Variants in VPS41 observed in about 807,000 individuals in gnomAD.
VPS41 encodes VPS41 subunit of HOPS complex, also known as vacuolar protein sorting-associated protein 41 homolog.
VPS41 carries 85 observed loss-of-function variants against 130.9 expected under a neutral mutation model. The observed-to-expected ratio is 0.65, with a 90% CI of 0.55 to 0.78. The LOEUF is 0.78. Among genes scored for constraint, VPS41 ranks in the 30% least tolerant of loss-of-function variants. VPS41 has a pLI of 0.00. For synonymous variants in VPS41, 335 were observed against 332.9 expected (o/e 1.01, Z -0.07); for missense variants, 874 against 1,018.7 (o/e 0.86, Z 1.93).
intron 2 of VPS41, among the ~76,000 whole-genome samples, chr7:38,889,836 A>T (rs1172139666): frequency 6.6e-6 from 1 of 152,216 alleles, no homozygotes; most frequent in Non-Finnish European, 1.5e-5. Context: ...ATGACATTTG[A>T]TAGTTGAAGC....
intron 14 of VPS41, among the ~76,000 whole-genome samples, chr7:38,768,470 G>T (rs990347579): frequency 6.6e-6 from 1 of 151,998 alleles, no homozygotes; most frequent in Non-Finnish European, 1.5e-5. Context: ...CATGCTAAGA[G>T]AAAAATAATC....
At chr7:38,792,373 C>G (rs1784550792) in intron 9 of VPS41, among the ~76,000 whole-genome samples, 1 of 152,218 alleles carries the variant, frequency 6.6e-6, no homozygotes, top group African/African-American at 2.4e-5. Flanking sequence ...GTAGACACAC[C>G]TAAAACCAAC....
chr7:38,887,023 G>A (rs1786747176), intron 2 of VPS41, among the ~76,000 whole-genome samples: 2 of 152,136 alleles, frequency 1.3e-5, no homozygotes, highest in African/African-American at 4.8e-5. Context: ...CCATACATAG[G>A]TCACCAACAT....
intron 22 of VPS41, 124 bp from the exon 23 acceptor site, chr7:38,745,737 A>T: frequency 1.3e-6 from 1 of 769,344 alleles, no homozygotes. Flanking sequence ...AAAACAAAGC[A>T]AACAAATAAA....
At chr7:38,773,793 T>C (rs976353) in intron 12 of VPS41, among the ~76,000 whole-genome samples, 98,009 of 152,024 alleles carry the variant, frequency 0.64, 32,970 homozygotes, top group East Asian at 0.88. Flanking sequence ...ATGACAACCA[T>C]GGAGCCATGC....
chr7:38,756,116 A>G (rs1783787216), intron 19 of VPS41, among the ~76,000 whole-genome samples: 1 of 152,120 alleles, frequency 6.6e-6, no homozygotes, highest in Admixed American at 6.6e-5. Flanking sequence ...TTAGGGTTCT[A>G]CTTTTAGGTT....
intron 25 of VPS41, among the ~76,000 whole-genome samples, chr7:38,735,584 T>C (rs544324871): frequency 3.5e-4 from 53 of 152,218 alleles, no homozygotes; most frequent in Non-Finnish European, 5.4e-4. Flanking sequence ...TGTTAAGGCA[T>C]TTTACTTCTC....
intron 2 of VPS41, among the ~76,000 whole-genome samples, chr7:38,872,940 A>G (rs1318897111): frequency 6.6e-6 from 1 of 152,228 alleles, no homozygotes; most frequent in East Asian, 1.9e-4. Flanking sequence ...AAGATGCCAC[A>G]TGTTGCTCAA....
chr7:38,882,253 G>A (rs1243246948), intron 2 of VPS41, among the ~76,000 whole-genome samples: 1 of 152,074 alleles, frequency 6.6e-6, no homozygotes, highest in African/African-American at 2.4e-5. Context: ...ACACAATGAT[G>A]GTGTCCTTCA....
At chr7:38,879,903 AAAG>A (rs1002682883) in intron 2 of VPS41, among the ~76,000 whole-genome samples, 22 of 151,288 alleles carry the variant, frequency 1.5e-4, no homozygotes, top group African/African-American at 3.9e-4. Flanking sequence ...AAAAAAAAAA[AAAG>A]AAAGAAAGAA....
At chr7:38,753,574 T>C (rs753066044) in intron 21 of VPS41, among the ~76,000 whole-genome samples, 1 of 152,132 alleles carries the variant, frequency 6.6e-6, no homozygotes, top group Non-Finnish European at 1.5e-5. Flanking sequence ...AAACAAGACA[T>C]TGCCTGGCAG....
intron 6 of VPS41, among the ~76,000 whole-genome samples, chr7:38,820,976 C>A (rs1350973904): frequency 1.3e-5 from 2 of 151,822 alleles, no homozygotes; most frequent in Admixed American, 6.6e-5. Flanking sequence ...TGTGAGTGAT[C>A]TCACTCACTA....
chr7:38,866,203 G>A (rs1011713265), intron 3 of VPS41, among the ~76,000 whole-genome samples: 1 of 152,166 alleles, frequency 6.6e-6, no homozygotes, highest in Admixed American at 6.5e-5. Flanking sequence ...ATAATAGACA[G>A]GGAGCAAGAT....
chr7:38,843,776 A>G (rs556408594), intron 4 of VPS41, among the ~76,000 whole-genome samples: 7 of 152,324 alleles, frequency 4.6e-5, no homozygotes, highest in Admixed American at 3.9e-4. Context: ...GTTTCTACAG[A>G]TAAGAAAATA....
intron 25 of VPS41, among the ~76,000 whole-genome samples, chr7:38,737,750 G>A (rs1056396837): frequency 1.1e-4 from 17 of 152,144 alleles, no homozygotes; most frequent in Non-Finnish European, 2.4e-4. Flanking sequence ...ACTCCTGAGT[G>A]TTGTGTCCAT....
rs1273739630 is a variant in VPS41 at position 38,725,576 on chromosome 7, T to G, written c.*670A>C. On this transcript the variant is annotated 3_prime_UTR_variant, in exon 29 of 29. Transcript: ENST00000310301. ...TCACAATGAGAAGAGCTAACATTTA[T>G]TCAATCAACAAATGCTGAGTGTCCG... is the stretch of plus-strand genomic sequence containing the variant. 1 of 152,270 alleles carries G rather than the reference T, an allele frequency of 6.6e-6. No individual in the cohort carries two copies. The highest frequency in any genetic ancestry group is 2.4e-5 in the African/African-American group (1 of 41,462). 9.4% of individuals were successfully genotyped at this position (152,270 alleles called of 1,614,324 possible).
chr7:38,742,210 G>T, intron 24 of VPS41, 89 bp from the exon 25 acceptor site: 1 of 1,282,958 alleles, frequency 7.8e-7, no homozygotes, highest in Non-Finnish European at 1.1e-6. Context: ...TGCAATTTTA[G>T]ATCAAAAGTA....
At chr7:38,771,385 A>C in intron 13 of VPS41, 131 bp from the exon 14 acceptor site, 1 of 629,772 alleles carries the variant, frequency 1.6e-6, no homozygotes, top group African/African-American at 1.8e-5. Context: ...AGCATTCTGC[A>C]CTACACGAAT....
In VPS41 at chr7:38,749,048, T is replaced by C. The variant is rs190681447; in HGVS notation, c.1926+3128A>G. Reference sequence around the variant, plus strand: ...TTATCTTTAAAAATTGCTGTAGATATTATAAATTCCCACAAACTCTGTATT... The same window carrying C: ...TTATCTTTAAAAATTGCTGTAGATACTATAAATTCCCACAAACTCTGTATT... On this transcript the variant is annotated intron_variant, in intron 22 of 28. Transcript: ENST00000310301. Among the ~76,000 whole-genome samples, 11 of 152,326 alleles carry C rather than the reference T, an allele frequency of 7.2e-5. No individual in the cohort carries two copies. The East Asian group carries it at 2.1e-3, about 29-fold the overall frequency.
Sources: gnomAD v4.1 joint callset for allele counts (sites outside exome capture counted in the v4.1 genomes callset) on GRCh38, gnomAD v4.1.1 for gene constraint, MANE v1.5 for transcripts, NCBI Gene and HGNC (gene_info 2026-07-23, HGNC 2026-07-21) for gene names.